Variants in FSIP1 observed in about 807,000 individuals in gnomAD.
FSIP1 encodes fibrous sheath interacting protein 1.
FSIP1 carries 65 observed loss-of-function variants against 60.9 expected under a neutral mutation model. The observed-to-expected ratio is 1.07, with a 90% CI of 0.87 to 1.31. The LOEUF (loss-of-function observed/expected upper bound fraction) is 1.31, where lower values mean the gene tolerates loss of function less well. Ranked by LOEUF, FSIP1 falls within the 40% of genes most tolerant of loss-of-function variation. FSIP1 has a pLI of 0.00. For synonymous variants in FSIP1, 209 were observed against 221.2 expected, an observed-to-expected ratio of 0.94 and a Z score of 0.49; for missense variants, 675 against 665.5, an observed-to-expected ratio of 1.01 and a Z score of -0.16.
At chr15:39,653,171 G>C (rs1595576447) in intron 10 of FSIP1, among the ~76,000 whole-genome samples, 1 of 87,590 alleles carries the variant, frequency 1.1e-5, no homozygotes, top group Admixed American at 1.1e-4. Context: ...GCCAGACTTT[G>C]TCTCAAAAAA....
In FSIP1 at chr15:39,603,893, G is replaced by C. The variant is rs887825348; in HGVS notation, c.1700-2967C>G. Among the ~76,000 whole-genome samples the C allele has an allele frequency of 2.0e-5, 3 of 152,130 alleles. No individual in the cohort carries two copies. The East Asian group carries it at 5.8e-4, about 29-fold the overall frequency. The stretch of plus-strand genomic sequence containing the variant: ...AACATGCACACAAATCACCTGCGGG[G>C]TATCTTAAAATTCAGGCTCTGATTC... On this transcript the variant is annotated intron_variant, in intron 11 of 11. Coordinates refer to ENST00000350221, the MANE Select transcript of FSIP1 (RefSeq NM_152597.5).
chr15:39,686,308 A>C (rs1217689842), intron 10 of FSIP1, among the ~76,000 whole-genome samples: 1 of 152,234 alleles, frequency 6.6e-6, no homozygotes, highest in East Asian at 1.9e-4. Context: ...ATAAAATTCA[A>C]ACCCAGGTGC....
Position 39,726,704 on chromosome 15 carries a change from A to T in FSIP1, c.935T>A (p.Leu312His). ...GWVVPVKGYE[L>H]AVTQHQQLAE... ...AAGCTGCTGATGCTGGGTGACTGCA[A>T]GTTCATATCCTTTTACTGGGACCAC... is the stretch of plus-strand genomic sequence containing the variant. The change falls in exon 9 of 12, where the codon CTT becomes CAT. Residue 312 changes from leucine (L) to histidine (H), a missense_variant. Transcript: ENST00000350221. 1 of 1,614,070 alleles carries T rather than the reference A, an allele frequency of 6.2e-7. No homozygotes were observed.
At chr15:39,779,918 T>A (rs760037294) in intron 1 of FSIP1, among the ~76,000 whole-genome samples, 1 of 152,196 alleles carries the variant, frequency 6.6e-6, no homozygotes, top group Non-Finnish European at 1.5e-5. Flanking sequence ...CTTTAAAAAG[T>A]GGGACTGATT....
rs73395243 is a variant in FSIP1 at position 39,706,748 on chromosome 15, G to A, written c.1188+6696C>T. Reference sequence around the variant, plus strand: ...CTTTCTCCGCCTCCCCATCCATCCCGATCCCCGCTAAAAGTAATTACTGTT... The same window carrying A: ...CTTTCTCCGCCTCCCCATCCATCCCAATCCCCGCTAAAAGTAATTACTGTT... On this transcript the variant is annotated intron_variant, in intron 10 of 11. Transcript: ENST00000350221. Among the ~76,000 whole-genome samples, 1,421 of 152,132 alleles carry A rather than the reference G, an allele frequency of 9.3e-3. 20 individuals carry two copies. Among genetic ancestry groups the A allele is most frequent in the African/African-American group, 0.032 (1,339 of 41,496 alleles).
At chr15:39,772,752 A>G (rs1897932371) in intron 2 of FSIP1, among the ~76,000 whole-genome samples, 1 of 151,438 alleles carries the variant, frequency 6.6e-6, no homozygotes, top group Non-Finnish European at 1.5e-5. Context: ...CACCACACCC[A>G]GCTAATTTTT....
At chr15:39,770,729 A>G in intron 2 of FSIP1, 119 bp from the exon 3 acceptor site, 1 of 564,310 alleles carries the variant, frequency 1.8e-6, no homozygotes, top group Non-Finnish European at 3.0e-6. Context: ...AAATGCATAC[A>G]CTAGCATTAA....
intron 5 of FSIP1, among the ~76,000 whole-genome samples, chr15:39,742,119 G>C (rs1233789630): frequency 3.3e-5 from 5 of 152,184 alleles, no homozygotes; most frequent in Non-Finnish European, 5.9e-5. Context: ...CAGAAGCTAA[G>C]ATAGTTAAAC....
At chr15:39,769,434 T>C (rs28861150) in intron 3 of FSIP1, among the ~76,000 whole-genome samples, 13,375 of 152,280 alleles carry the variant, frequency 0.088, 692 homozygotes, top group African/African-American at 0.12. Flanking sequence ...AACATGTTTA[T>C]TTTCTTAAAA....
At chr15:39,638,524 T>G (rs1209256703) in intron 10 of FSIP1, among the ~76,000 whole-genome samples, 1 of 152,226 alleles carries the variant, frequency 6.6e-6, no homozygotes, top group Non-Finnish European at 1.5e-5. Flanking sequence ...CACGGCGATT[T>G]CTCATCTTAA....
At chr15:39,622,175 T>C (rs1228644168) in intron 10 of FSIP1, among the ~76,000 whole-genome samples, 1 of 152,160 alleles carries the variant, frequency 6.6e-6, no homozygotes, top group Admixed American at 6.5e-5. Context: ...TCTGTTCAAG[T>C]ATTCACCTCA....
At chr15:39,746,094 T>TA (rs1320158515) in intron 5 of FSIP1, among the ~76,000 whole-genome samples, 1 of 151,812 alleles carries the variant, frequency 6.6e-6, no homozygotes, top group African/African-American at 2.4e-5. Context: ...AATAAAAATT[T>TA]AAAAAATTAA....
Position 39,678,230 on chromosome 15 carries a change from GTAAC to G in FSIP1, c.1188+35210_1188+35213del, listed in dbSNP as rs200220248. 7.0e-3 allele frequency among the ~76,000 whole-genome samples: 1,065 copies of G among 151,864 alleles called. 15 individuals carry two copies. The highest frequency in any genetic ancestry group is 0.024 in the African/African-American group (977 of 41,460). On this transcript the variant is annotated intron_variant, in intron 10 of 11. Coordinates refer to ENST00000350221, the MANE Select transcript of FSIP1 (RefSeq NM_152597.5). ...CTGATATACTTTAAAATTTACAAAAGTAACTAAAATTTTATTAAAAATGAAATAT... is the reference window on the plus strand; with the variant it reads ...CTGATATACTTTAAAATTTACAAAAGTAAAATTTTATTAAAAATGAAATAT...
chr15:39,636,489 C>G (rs772372802), intron 10 of FSIP1, among the ~76,000 whole-genome samples: 2 of 152,114 alleles, frequency 1.3e-5, no homozygotes, highest in Non-Finnish European at 2.9e-5. Flanking sequence ...ACTGACCTAC[C>G]TTTGTAATGC....
At chr15:39,652,941 T>G (rs1367319811) in intron 10 of FSIP1, among the ~76,000 whole-genome samples, 2 of 151,968 alleles carry the variant, frequency 1.3e-5, no homozygotes, top group African/African-American at 4.8e-5. Flanking sequence ...TTTGGGAGGT[T>G]GAGGTGGGTG....
chr15:39,687,137 C>CTTTTTTTTTTTTTTTT (rs386382788), intron 10 of FSIP1, among the ~76,000 whole-genome samples: 1 of 115,488 alleles, frequency 8.7e-6, no homozygotes. Context: ...TTTTCTTTTC[C>CTTTTTTTTTTTTTTTT]TTTTTTTTTT....
At chr15:39,602,128 C>G (rs1890661911) in intron 11 of FSIP1, among the ~76,000 whole-genome samples, 1 of 152,110 alleles carries the variant, frequency 6.6e-6, no homozygotes, top group Non-Finnish European at 1.5e-5. Flanking sequence ...AATTAAGCTT[C>G]TCGAGATAAG....
At chr15:39,649,726 A>G (rs1223094482) in intron 10 of FSIP1, among the ~76,000 whole-genome samples, 2 of 152,096 alleles carry the variant, frequency 1.3e-5, no homozygotes, top group Admixed American at 6.6e-5. Context: ...GGAACCAACA[A>G]AGCGTTCCCT....
chr15:39,687,483 G>A lies in FSIP1; in HGVS notation c.1188+25961C>T, dbSNP rs576909767. Reference sequence around the variant, plus strand: ...CCTTTCTAAACTGACTGAGGCAAGCGTCTAGAATCAGCCATTTCTATTCTA... The same window carrying A: ...CCTTTCTAAACTGACTGAGGCAAGCATCTAGAATCAGCCATTTCTATTCTA... On this transcript the variant is annotated intron_variant, in intron 10 of 11. Transcript: ENST00000350221. Among the ~76,000 whole-genome samples, 114 of 152,254 alleles carry A rather than the reference G, an allele frequency of 7.5e-4. 1 individual carries two copies. In the South Asian group the frequency reaches 0.011, roughly 15 times the overall value.
Sources: gnomAD v4.1 joint callset for allele counts (sites outside exome capture counted in the v4.1 genomes callset) on GRCh38, gnomAD v4.1.1 for gene constraint, MANE v1.5 for transcripts, NCBI Gene and HGNC (gene_info 2026-07-23, HGNC 2026-07-21) for gene names.